The following SGPP2 variants were observed in gnomAD, a reference collection of about 807,000 sequenced individuals.
SGPP2 encodes sphingosine-1-phosphate phosphatase 2.
SGPP2 carries 30 observed loss-of-function variants against 33.9 expected under a neutral mutation model. That is an observed-to-expected ratio of 0.89 (90% CI 0.66 to 1.20). The LOEUF (loss-of-function observed/expected upper bound fraction) is 1.20, where lower values mean the gene tolerates loss of function less well. Among genes scored for constraint, SGPP2 ranks in the 50% most tolerant of loss-of-function variants. SGPP2 has a pLI of 0.00. For synonymous variants in SGPP2, 233 were observed against 225.0 expected, an observed-to-expected ratio of 1.04 and a Z score of -0.32; for missense variants, 458 against 532.1, an observed-to-expected ratio of 0.86 and a Z score of 1.37.
intron 4 of SGPP2, among the ~76,000 whole-genome samples, chr2:222,557,086 C>T (rs961450008): frequency 2.0e-5 from 3 of 152,192 alleles, no homozygotes; most frequent in Non-Finnish European, 2.9e-5. Flanking sequence ...GTACTCATGG[C>T]GTGGGTTGGA....
At chr2:222,511,566 T>C (rs1231724121) in intron 2 of SGPP2, among the ~76,000 whole-genome samples, 1 of 152,226 alleles carries the variant, frequency 6.6e-6, no homozygotes, top group Non-Finnish European at 1.5e-5. Flanking sequence ...GGGTCCTTTT[T>C]GGAAAGTGGC....
At chr2:222,529,339 T>A (rs1288060634) in intron 4 of SGPP2, among the ~76,000 whole-genome samples, 1 of 152,156 alleles carries the variant, frequency 6.6e-6, no homozygotes, top group Non-Finnish European at 1.5e-5. Context: ...TTTTATTTAT[T>A]TTTTTAATTT....
Position 222,477,487 on chromosome 2 carries a change from G to GTGTGTATATATGTTTA in SGPP2, c.378+2773_378+2788dup, listed in dbSNP as rs1320864753. 6.6e-6 allele frequency among the ~76,000 whole-genome samples: 1 copy of GTGTGTATATATGTTTA among 151,794 alleles called. No homozygotes were observed. The highest frequency in any genetic ancestry group is 2.4e-5 in the African/African-American group (1 of 41,266). On this transcript the variant is annotated intron_variant, in intron 2 of 4. Coordinates refer to ENST00000321276, the MANE Select transcript of SGPP2 (RefSeq NM_152386.4). This position sits in a 1 kb window ranked among gnomAD's most constrained non-coding sequence, Gnocchi z 6.0. ...TATGTGTATGCATGTGTGTATATAG[G>GTGTGTATATATGTTTA]TGTGTATATATGTTTATGTGTATAT...
Position 222,558,936 on chromosome 2 carries a change from A to G in SGPP2, c.*38A>G. 1 of 1,572,400 alleles carries G rather than the reference A, an allele frequency of 6.4e-7. No homozygotes were observed. The highest frequency in any genetic ancestry group is 8.7e-7 in the Non-Finnish European group (1 of 1,153,724). On this transcript the variant is annotated 3_prime_UTR_variant, in exon 5 of 5. Coordinates refer to ENST00000321276, the MANE Select transcript of SGPP2 (RefSeq NM_152386.4). ...TGGAAACTAGCCCACTGGACATGAA[A>G]GCCAAGACATAGGAAAGTTATTGGT...
intron 1 of SGPP2, among the ~76,000 whole-genome samples, chr2:222,441,892 A>G (rs1288078747): frequency 6.6e-6 from 1 of 152,196 alleles, no homozygotes; most frequent in Non-Finnish European, 1.5e-5. Context: ...TTGAAGAAAT[A>G]TTTATTAAAC....
chr2:222,496,073 G>T (rs6436321), intron 2 of SGPP2, among the ~76,000 whole-genome samples: 1 of 152,136 alleles, frequency 6.6e-6, no homozygotes, highest in Admixed American at 6.5e-5. Context: ...ATAGTGCCCC[G>T]ACTCCCTTCG....
rs1698181576 is a variant in SGPP2 at position 222,490,585 on chromosome 2, A to G, written c.378+15859A>G. On this transcript the variant is annotated intron_variant, in intron 2 of 4. Transcript: ENST00000321276. The stretch of plus-strand genomic sequence containing the variant: ...ACCAAGTATCTGGGACCACAGGTAC[A>G]AGCCAACACACCTGGCTAATTTTTT... Among the ~76,000 whole-genome samples the G allele has an allele frequency of 4.7e-5, 7 of 149,738 alleles. No individual in the cohort carries two copies. The South Asian group carries it at 1.5e-3, about 33-fold the overall frequency.
chr2:222,488,148 G>A (rs75428130), intron 2 of SGPP2, among the ~76,000 whole-genome samples: 1 of 152,136 alleles, frequency 6.6e-6, no homozygotes, highest in Non-Finnish European at 1.5e-5. Flanking sequence ...TAACTGACTG[G>A]GTTGGTTTCT....
chr2:222,470,776 G>A (rs1697826184), intron 1 of SGPP2, among the ~76,000 whole-genome samples: 1 of 152,188 alleles, frequency 6.6e-6, no homozygotes, highest in Admixed American at 6.5e-5. Flanking sequence ...AGATTACCAG[G>A]TGTATCTGGT....
intron 2 of SGPP2, among the ~76,000 whole-genome samples, chr2:222,500,579 A>G (rs1348392201): frequency 6.6e-6 from 1 of 152,190 alleles, no homozygotes; most frequent in Admixed American, 6.5e-5. Flanking sequence ...ATAGCCTGTG[A>G]TATCAAACTG....
At chr2:222,482,437 C>T (rs1309651649) in intron 2 of SGPP2, among the ~76,000 whole-genome samples, 1 of 152,102 alleles carries the variant, frequency 6.6e-6, no homozygotes, top group Non-Finnish European at 1.5e-5. Flanking sequence ...TGCTGTGGTA[C>T]CCAGGCTTGA....
chr2:222,454,567 G>A lies in SGPP2; in HGVS notation c.220-20001G>A, dbSNP rs111921552. Among the ~76,000 whole-genome samples, 205 of 152,216 alleles carry A rather than the reference G, an allele frequency of 1.3e-3. 1 individual carries two copies. The highest frequency in any genetic ancestry group is 4.7e-3 in the African/African-American group (196 of 41,524). ...AATGTGAACCACAGTGATTTCACAG[G>A]TACAGTGTAATGGAGGACCAGAAAC... On this transcript the variant is annotated intron_variant, in intron 1 of 4. Transcript: ENST00000321276.
intron 4 of SGPP2, among the ~76,000 whole-genome samples, chr2:222,529,130 C>T (rs563608980): frequency 5.9e-5 from 9 of 152,252 alleles, no homozygotes; most frequent in East Asian, 1.9e-4. Flanking sequence ...TTATCCACTA[C>T]GTTTATGTAA....
At chr2:222,432,493 A>C (rs1427941366) in intron 1 of SGPP2, among the ~76,000 whole-genome samples, 1 of 152,224 alleles carries the variant, frequency 6.6e-6, no homozygotes, top group Non-Finnish European at 1.5e-5. Context: ...TCAGCATTTT[A>C]TGACATGGCT....
chr2:222,490,575 C>G (rs912051622), intron 2 of SGPP2, among the ~76,000 whole-genome samples: 1 of 151,484 alleles, frequency 6.6e-6, no homozygotes, highest in African/African-American at 2.4e-5. Flanking sequence ...GTATCTGGGA[C>G]CACAGGTACA....
chr2:222,454,229 C>G (rs1002221831), intron 1 of SGPP2, among the ~76,000 whole-genome samples: 1 of 152,052 alleles, frequency 6.6e-6, no homozygotes, highest in Non-Finnish European at 1.5e-5. Context: ...GAGAGGAGAG[C>G]CTGCTGGTGT....
At chr2:222,522,873 G>A (rs1301827450) in intron 3 of SGPP2, among the ~76,000 whole-genome samples, 1 of 152,132 alleles carries the variant, frequency 6.6e-6, no homozygotes, top group Non-Finnish European at 1.5e-5. Context: ...TCTAGTGAAG[G>A]GGTCTTGCTG....
chr2:222,508,483 G>A (rs1698478631), intron 2 of SGPP2, among the ~76,000 whole-genome samples: 1 of 152,138 alleles, frequency 6.6e-6, no homozygotes, highest in Non-Finnish European at 1.5e-5. Flanking sequence ...AATAGATAAT[G>A]TCTGTGAAAG....
rs907090886 is a variant in SGPP2 at position 222,424,641 on chromosome 2, C to T, written c.39C>T (p.Leu13=). The T allele has an allele frequency of 5.6e-6, 8 of 1,426,578 alleles. No homozygotes were observed. In the African/African-American group the frequency reaches 5.9e-5, roughly 11 times the overall value. The allele number at this position is 1,426,578 out of a possible 1,614,324, so 88.4% of individuals were successfully genotyped here. ...TGCGGAGCCTGCAGGATTCCCAGCT[C>T]GTCGCCCGCTTCCAGCGCCGCTGCG... ...ELLRSLQDSQ[L]VARFQRRCGL... is the part of the protein sequence containing the mutation. Residue 13 remains leucine, a synonymous_variant, in exon 1 of 5, where the codon CTC becomes CTT. Transcript: ENST00000321276.
Sources: allele counts gnomAD v4.1 joint callset (sites outside exome capture counted in the v4.1 genomes callset), GRCh38; gene constraint gnomAD v4.1.1; non-coding constraint Gnocchi (gnomAD v3.1); transcripts MANE v1.5; gene names NCBI Gene and HGNC (gene_info 2026-07-23, HGNC 2026-07-21).